BRD2: variants seen among roughly 807,000 people sequenced by gnomAD.
BRD2 encodes the protein bromodomain containing 2.
A neutral mutation model predicts 79.1 loss-of-function variants in BRD2; 15 were observed. That is an observed-to-expected ratio of 0.19 (90% CI 0.13 to 0.29). The LOEUF is 0.29. Among genes scored for constraint, BRD2 ranks in the 10% least tolerant of loss-of-function variants. The probability of loss-of-function intolerance (pLI) is 1.00; values close to 1 mark genes in which losing one functional copy is unlikely to be tolerated. For missense variants in BRD2, 1,053 were observed against 991.3 expected (o/e 1.06, Z -0.84); for synonymous variants, 488 against 358.6 (o/e 1.36, Z -4.08).
Position 32,973,326 on chromosome 6 carries a change from C to T in BRD2, c.29+399C>T, listed in dbSNP as rs145779446. On this transcript the variant is annotated intron_variant, in intron 2 of 12. Coordinates refer to ENST00000374825, the MANE Select transcript of BRD2 (RefSeq NM_005104.4). ...GCGCCCTGTAGGGTTGCCATGGTGACGGAGCGCTTAAGGGACTGGCAACGG... is the reference window on the plus strand; with the variant it reads ...GCGCCCTGTAGGGTTGCCATGGTGATGGAGCGCTTAAGGGACTGGCAACGG... 9.2e-5 allele frequency among the ~76,000 whole-genome samples: 14 copies of T among 152,014 alleles called. 1 individual carries two copies. Among genetic ancestry groups the T allele is most frequent in the Middle Eastern group, 6.8e-3 (2 of 294 alleles).
At chr6:32,975,283 G>A (rs527436644) in intron 3 of BRD2, 101 bp from the exon 4 acceptor site, 2 of 938,254 alleles carry the variant, frequency 2.1e-6, no homozygotes, top group African/African-American at 4.3e-5. Context: ...ATGCATAGGG[G>A]GGGTGTGTGT....
In BRD2 at chr6:32,977,893, G is replaced by C; in HGVS notation, c.1466G>C (p.Ser489Thr). Reference protein sequence around the residue: ...ESSSEESSSESSSEEEEEEDE... With the variant: ...ESSSEESSSETSSEEEEEEDE... ...TCCAGTGAGGAAAGTAGCAGTGAGA[G>C]CTCCTCTGAGGAAGAGGAGGAGGAA... The change falls in exon 9 of 13, where the codon AGC becomes ACC. Residue 489 changes from serine (S) to threonine (T), a missense_variant. Ser to Thr is a moderately conservative substitution (Grantham distance 58). Coordinates refer to ENST00000374825, the MANE Select transcript of BRD2 (RefSeq NM_005104.4). The C allele has an allele frequency of 6.2e-7, 1 of 1,613,056 alleles. No homozygotes were observed. The highest frequency in any genetic ancestry group is 8.5e-7 in the Non-Finnish European group (1 of 1,179,996).
chr6:32,969,971 G>A (rs1777797632), intron 1 of BRD2, among the ~76,000 whole-genome samples: 1 of 152,184 alleles, frequency 6.6e-6, no homozygotes, highest in Non-Finnish European at 1.5e-5. Flanking sequence ...CCAAATTACT[G>A]AGTAGCAGTA....
At chr6:32,973,536 C>T (rs1470808806) in intron 2 of BRD2, among the ~76,000 whole-genome samples, 1 of 152,048 alleles carries the variant, frequency 6.6e-6, no homozygotes, top group Non-Finnish European at 1.5e-5. Flanking sequence ...AGCTAAGGTT[C>T]CTAGTTCAGC....
intron 3 of BRD2, 27 bp downstream of exon 3, chr6:32,974,792 G>A (rs200744277): frequency 1.9e-6 from 3 of 1,605,040 alleles, no homozygotes; most frequent in South Asian, 2.2e-5. Context: ...GAGCCGGGGA[G>A]GTGTGGGATG....
At chr6:32,977,061 ATAG>A (rs995289353) in intron 7 of BRD2, 125 bp downstream of exon 7, 1 of 1,317,858 alleles carries the variant, frequency 7.6e-7, no homozygotes, top group African/African-American at 1.5e-5. Context: ...TTATAAAATA[ATAG>A]TGGAACAGAA....
chr6:32,975,206 TTTTATTTA>T lies in BRD2; in HGVS notation c.334-166_334-159del, dbSNP rs543014200. 6 of 1,265,054 alleles carry T rather than the reference TTTTATTTA, an allele frequency of 4.7e-6. No homozygotes were observed. In the Admixed American group the frequency reaches 7.7e-5, roughly 16 times the overall value. The allele number at this position is 1,265,054 out of a possible 1,614,324, so 78.4% of individuals were successfully genotyped here. ...CCTCCCTGTGGATGTCAAGAATCTT[TTTTATTTA>T]TTTATTTATTTTGTCCCACAGTTTA... is the stretch of plus-strand genomic sequence containing the variant. On this transcript the variant is annotated intron_variant, in intron 3 of 12. Transcript: ENST00000374825.
intron 9 of BRD2, 41 bp from the exon 10 acceptor site, chr6:32,978,085 T>C (rs766021742): frequency 1.0e-4 from 166 of 1,589,852 alleles, no homozygotes; most frequent in Middle Eastern, 6.8e-4. Context: ...TGTTATTTTA[T>C]CTTTATTTAC....
At chr6:32,974,974 C>T (rs1366115239) in intron 3 of BRD2, 16 of 1,476,108 alleles carry the variant, frequency 1.1e-5, no homozygotes, top group Non-Finnish European at 1.5e-5. Context: ...TCCTTGTGCC[C>T]TCCATGTGTC....
Position 32,972,185 on chromosome 6 carries a change from G to A in BRD2, c.-714G>A, listed in dbSNP as rs1778088266. 3 of 567,264 alleles carry A rather than the reference G, an allele frequency of 5.3e-6. No homozygotes were observed. Among genetic ancestry groups the A allele is most frequent in the Admixed American group, 5.7e-5 (2 of 34,806 alleles). The allele number at this position is 567,264 out of a possible 1,614,324, so 35.1% of individuals were successfully genotyped here. A position where few individuals can be genotyped will look rare whatever the true frequency, so the allele number is the denominator to read the frequency against. ...CCGCCTATATATAAAGGGCTGGCGC[G>A]GGGCTCGGCGGCGCCATTTCGTGCT... On this transcript the variant is annotated 5_prime_UTR_variant, in exon 2 of 13. Transcript: ENST00000374825.
At position 32,980,452 on chromosome 6, in the gene BRD2, C is replaced by A. The variant is rs760369411; in HGVS notation, c.2257C>A (p.Pro753Thr). ...CGGACAGCTCAATTCTACTAAAAAGCCCCCCAAGAAAGGTGAGTATATACT... is the reference window on the plus strand; with the variant it reads ...CGGACAGCTCAATTCTACTAAAAAGACCCCCAAGAAAGGTGAGTATATACT... ...VSGQLNSTKK[P>T]PKKANEKTES... The change falls in exon 12 of 13, where the codon CCC becomes ACC. Residue 753 changes from proline to threonine, a missense_variant. This residue lies in a region of BRD2 where 139 missense variants were observed against 133.2 expected (regional missense o/e 1.04). Coordinates refer to ENST00000374825, the MANE Select transcript of BRD2 (RefSeq NM_005104.4). The A allele has an allele frequency of 7.1e-5, 115 of 1,612,886 alleles. No individual in the cohort carries two copies. The South Asian group carries it at 1.2e-3, about 17-fold the overall frequency.
intron 7 of BRD2, chr6:32,977,212 C>G (rs1328971875): frequency 1.3e-6 from 2 of 1,508,116 alleles, no homozygotes; most frequent in Admixed American, 2.0e-5. Context: ...GGTGGAAAAA[C>G]AGGCATAGGC....
At position 32,972,651 on chromosome 6, in the gene BRD2, C is replaced by T. The variant is rs1051686548; in HGVS notation, c.-248C>T. On this transcript the variant is annotated 5_prime_UTR_variant, in exon 2 of 13. Coordinates refer to ENST00000374825, the MANE Select transcript of BRD2 (RefSeq NM_005104.4). ...AGTCAGTCCCTCCTTAGTTGCCCGC[C>T]TCAGCTGAGGCCGCCGCCATTTTCT... 114 of 606,802 alleles carry T rather than the reference C, an allele frequency of 1.9e-4. No individual in the cohort carries two copies. The highest frequency in any genetic ancestry group is 7.4e-4 in the Admixed American group (25 of 33,876). 37.6% of individuals were successfully genotyped at this position (606,802 alleles called of 1,614,324 possible).
intron 1 of BRD2, chr6:32,969,477 GGTT>G: frequency 1.6e-6 from 1 of 610,240 alleles, no homozygotes; most frequent in South Asian, 1.8e-5. Flanking sequence ...TGTGAACTGA[GGTT>G]GTTCCCAGGC....
In BRD2 at chr6:32,981,398, T is replaced by G. The variant is rs1300513690; in HGVS notation, c.*680T>G. On this transcript the variant is annotated 3_prime_UTR_variant, in exon 13 of 13. Coordinates refer to ENST00000374825, the MANE Select transcript of BRD2 (RefSeq NM_005104.4). The stretch of plus-strand genomic sequence containing the variant: ...TTGATAATTTTGAGGGAAATATTAC[T>G]GCAGTGAGAAAAGGCAATAGCTAAC... 3 of 152,240 alleles carry G rather than the reference T, an allele frequency of 2.0e-5. No homozygotes were observed. The highest frequency in any genetic ancestry group is 4.4e-5 in the Non-Finnish European group (3 of 68,050). The allele number at this position is 152,240 out of a possible 1,614,324, so 9.4% of individuals were successfully genotyped here.
At chr6:32,971,451 G>A (rs1777960609) in intron 1 of BRD2, 144 bp from the exon 2 acceptor site, 3 of 400,304 alleles carry the variant, frequency 7.5e-6, no homozygotes, top group South Asian at 1.2e-4. Flanking sequence ...AGGGAGTGGA[G>A]TATTATAAGA....
chr6:32,980,843 G>T lies in BRD2; in HGVS notation c.*125G>T. ...CTCACCCCCCCCCGCCCCCCTCTAG[G>T]AGAGCTGGCTCTGCAGTGGGGGAGG... On this transcript the variant is annotated 3_prime_UTR_variant, in exon 13 of 13. Transcript: ENST00000374825. 8.3e-7 allele frequency: 1 copy of T among 1,203,344 alleles called. No individual in the cohort carries two copies. Among genetic ancestry groups the T allele is most frequent in the African/African-American group, 1.5e-5 (1 of 65,962 alleles). 74.5% of individuals were successfully genotyped at this position (1,203,344 alleles called of 1,614,324 possible).
rs773041214 is a variant in BRD2, at chr6:32,969,036, CT to C, written c.-1324del. ...AGCCGAGGGCAACTTTGGAGGCCCCCTGGAAGGCTTTAGGATCCAGGTGAGA... is the reference window on the plus strand; with the variant it reads ...AGCCGAGGGCAACTTTGGAGGCCCCCGGAAGGCTTTAGGATCCAGGTGAGA... On this transcript the variant is annotated 5_prime_UTR_variant, in exon 1 of 13. An upstream open reading frame in the 5' UTR gains an earlier in-frame stop. Transcript: ENST00000374825. The C allele has an allele frequency of 6.0e-5, 24 of 399,732 alleles. No individual in the cohort carries two copies. Among genetic ancestry groups the C allele is most frequent in the Non-Finnish European group, 1.0e-4 (22 of 220,274 alleles). The allele number at this position is 399,732 out of a possible 1,614,324, so 24.8% of individuals were successfully genotyped here.
rs376715122 is a variant in BRD2 at position 32,976,942 on chromosome 6, C to T, written c.1200+6C>T. The T allele has an allele frequency of 1.2e-5, 19 of 1,603,938 alleles. No individual in the cohort carries two copies. Among genetic ancestry groups the T allele is most frequent in the African/African-American group, 4.0e-5 (3 of 74,800 alleles). ...TGGACCTCAGCACTGTCAAGGTACC[C>T]ACTGCATGGGGCAGATGGGATGCTC... On this transcript the variant is annotated splice_donor_region_variant and intron_variant, in intron 7 of 12. Coordinates refer to ENST00000374825, the MANE Select transcript of BRD2 (RefSeq NM_005104.4).
Sources: gnomAD v4.1 joint callset for allele counts (sites outside exome capture counted in the v4.1 genomes callset) on GRCh38, gnomAD v4.1.1 for gene constraint, gnomAD v4.1.1 regional missense constraint, MANE v1.5 for transcripts, NCBI Gene and HGNC (gene_info 2026-07-23, HGNC 2026-07-21) for gene names.